Variants in VAT1L observed in about 807,000 individuals in gnomAD.
VAT1L encodes putative NADPH-dependent quinone oxidoreductase VAT1L.
A neutral mutation model predicts 44.1 loss-of-function variants in VAT1L; 34 were observed. That is an observed-to-expected ratio of 0.77 (90% CI 0.59 to 1.03). The LOEUF is 1.03. Ranked by LOEUF, VAT1L falls within the 50% of genes least tolerant of loss-of-function variation. The probability of loss-of-function intolerance (pLI) is 0.00; values close to 1 mark genes in which losing one functional copy is unlikely to be tolerated. For synonymous variants in VAT1L, 253 were observed against 202.2 expected (o/e 1.25, Z -2.13); for missense variants, 615 against 538.8 (o/e 1.14, Z -1.40).
chr16:77,837,340 C>T (rs948585655), intron 3 of VAT1L, among the ~76,000 whole-genome samples: 1 of 152,148 alleles, frequency 6.6e-6, no homozygotes, highest in African/African-American at 2.4e-5. Flanking sequence ...AAATTAAACC[C>T]CAGGCTCCCA....
chr16:77,890,121 A>G (rs1254256121), intron 7 of VAT1L, among the ~76,000 whole-genome samples: 1 of 152,050 alleles, frequency 6.6e-6, no homozygotes, highest in Non-Finnish European at 1.5e-5. Context: ...GATGGATTTT[A>G]CAGATGAGGT....
At chr16:77,837,180 T>C (rs144979192) in intron 3 of VAT1L, among the ~76,000 whole-genome samples, 106 of 152,230 alleles carry the variant, frequency 7.0e-4, no homozygotes, top group African/African-American at 2.5e-3. Context: ...ACGGGTTTTG[T>C]TGGTCGACTT....
At chr16:77,819,091 T>A (rs2016405094) in intron 2 of VAT1L, among the ~76,000 whole-genome samples, 1 of 152,144 alleles carries the variant, frequency 6.6e-6, no homozygotes, top group African/African-American at 2.4e-5. Context: ...GAGCTGAACC[T>A]ATGGCTTGGA....
At chr16:77,940,885 A>G (rs2017874381) in intron 7 of VAT1L, among the ~76,000 whole-genome samples, 1 of 152,106 alleles carries the variant, frequency 6.6e-6, no homozygotes, top group Non-Finnish European at 1.5e-5. Context: ...TCCCAATTAT[A>G]TTAAGATTAA....
At chr16:77,939,875 G>A (rs1382548467) in intron 7 of VAT1L, among the ~76,000 whole-genome samples, 1 of 152,216 alleles carries the variant, frequency 6.6e-6, no homozygotes, top group Admixed American at 6.5e-5. Context: ...TCATTAAAGA[G>A]TGTGGGTTGG....
chr16:77,814,387 C>G (rs564039528), intron 1 of VAT1L, among the ~76,000 whole-genome samples: 136 of 152,314 alleles, frequency 8.9e-4, no homozygotes, highest in African/African-American at 3.2e-3. Flanking sequence ...CGCCTAATGC[C>G]TCACTGAGGA....
intron 7 of VAT1L, among the ~76,000 whole-genome samples, chr16:77,966,868 A>G (rs1319436960): frequency 6.7e-6 from 1 of 148,810 alleles, no homozygotes; most frequent in Non-Finnish European, 1.5e-5. Flanking sequence ...GGATTAGGCA[A>G]TGCAGGTCTA....
intron 7 of VAT1L, among the ~76,000 whole-genome samples, chr16:77,899,412 G>C (rs756037213): frequency 2.6e-5 from 4 of 152,220 alleles, no homozygotes; most frequent in Non-Finnish European, 5.9e-5. Flanking sequence ...CCTACCTTCT[G>C]TGATTAGACA....
intron 3 of VAT1L, among the ~76,000 whole-genome samples, chr16:77,838,325 G>A (rs2016662668): frequency 6.6e-6 from 1 of 152,144 alleles, no homozygotes; most frequent in African/African-American, 2.4e-5. Flanking sequence ...GGGAAAGGGA[G>A]GTGTGTAGCA....
intron 7 of VAT1L, among the ~76,000 whole-genome samples, chr16:77,927,174 T>C (rs921550498): frequency 6.6e-6 from 1 of 151,696 alleles, no homozygotes; most frequent in Non-Finnish European, 1.5e-5. Context: ...TCATCTCTAC[T>C]AAAAATACAA....
intron 3 of VAT1L, among the ~76,000 whole-genome samples, chr16:77,860,312 G>T (rs117856812): frequency 6.6e-6 from 1 of 152,172 alleles, no homozygotes; most frequent in Non-Finnish European, 1.5e-5. Context: ...TTAGGTTTTG[G>T]ATCAGTTGAG....
intron 4 of VAT1L, among the ~76,000 whole-genome samples, chr16:77,873,027 A>G (rs2017048216): frequency 6.6e-6 from 1 of 152,214 alleles, no homozygotes; most frequent in South Asian, 2.1e-4. Flanking sequence ...ATCAAATGTA[A>G]TCAGACTCTG....
intron 4 of VAT1L, among the ~76,000 whole-genome samples, chr16:77,869,085 T>C (rs1425646839): frequency 2.6e-5 from 4 of 151,330 alleles, no homozygotes; most frequent in Non-Finnish European, 4.4e-5. Flanking sequence ...CTGGCTGCCA[T>C]GTACAGGAAT....
At chr16:77,968,191 T>C (rs950950474) in intron 7 of VAT1L, among the ~76,000 whole-genome samples, 3 of 152,136 alleles carry the variant, frequency 2.0e-5, no homozygotes, top group East Asian at 3.9e-4. Flanking sequence ...AGTTGGTCCT[T>C]TGATTCTCAC....
chr16:77,939,144 C>G (rs1273362034), intron 7 of VAT1L, among the ~76,000 whole-genome samples: 1 of 152,194 alleles, frequency 6.6e-6, no homozygotes. Context: ...CCTCTGCTAG[C>G]TAAACAGAAT....
At chr16:77,897,379 T>TA (rs1019280066) in intron 7 of VAT1L, among the ~76,000 whole-genome samples, 1 of 152,354 alleles carries the variant, frequency 6.6e-6, no homozygotes, top group South Asian at 2.1e-4. Context: ...TTGTACACTG[T>TA]AAACCACTCT....
intron 7 of VAT1L, among the ~76,000 whole-genome samples, chr16:77,961,572 G>A (rs762121074): frequency 7.2e-5 from 11 of 152,244 alleles, no homozygotes; most frequent in Middle Eastern, 3.4e-3. Flanking sequence ...GTAGCACCAC[G>A]GTTCTTCATT....
Position 77,879,647 on chromosome 16 carries a change from C to A in VAT1L, c.882+423C>A, listed in dbSNP as rs1005023007. 2.6e-5 allele frequency among the ~76,000 whole-genome samples: 4 copies of A among 152,186 alleles called. No individual in the cohort carries two copies. Among genetic ancestry groups the A allele is most frequent in the Admixed American group, 2.0e-4 (3 of 15,278 alleles). On this transcript the variant is annotated intron_variant, in intron 6 of 8. Coordinates refer to ENST00000302536, the MANE Select transcript of VAT1L (RefSeq NM_020927.3). This position sits in a 1 kb window ranked among gnomAD's most constrained non-coding sequence, Gnocchi z 4.1. Reference sequence around the variant, plus strand: ...GTCTTTCAATTTCCTCGTTCATTTCCCATAAAACCTGCACTCCTGCCCTAT... The same window carrying A: ...GTCTTTCAATTTCCTCGTTCATTTCACATAAAACCTGCACTCCTGCCCTAT...
intron 7 of VAT1L, among the ~76,000 whole-genome samples, chr16:77,919,163 C>T (rs534237787): frequency 1.2e-4 from 18 of 151,820 alleles, no homozygotes; most frequent in East Asian, 5.8e-4. Flanking sequence ...TGTGTGTGCA[C>T]GCATGTGTGC....
Sources: gnomAD v4.1 joint callset for allele counts (sites outside exome capture counted in the v4.1 genomes callset) on GRCh38, gnomAD v4.1.1 for gene constraint, Gnocchi (gnomAD v3.1) non-coding constraint, MANE v1.5 for transcripts, NCBI Gene and HGNC (gene_info 2026-07-23, HGNC 2026-07-21) for gene names.